The following RBFOX1 variants were observed in gnomAD, a reference collection of about 807,000 sequenced individuals.
RBFOX1 encodes the protein RNA binding protein fox-1 homolog 1.
In RBFOX1, 8 loss-of-function variants were observed where a neutral mutation model predicts 57.7. That is an observed-to-expected ratio of 0.14 (90% CI 0.08 to 0.25). The LOEUF (loss-of-function observed/expected upper bound fraction) is 0.25, where lower values mean the gene tolerates loss of function less well. Among genes scored for constraint, RBFOX1 ranks in the 10% least tolerant of loss-of-function variants. RBFOX1 has a pLI of 1.00. For missense variants in RBFOX1, 611 were observed against 548.5 expected (o/e 1.11, Z -1.14); for synonymous variants, 326 against 222.4 (o/e 1.47, Z -4.15).
At chr16:5,247,125 C>T (rs1294015536) in intron 1 of RBFOX1, among the ~76,000 whole-genome samples, 1 of 152,142 alleles carries the variant, frequency 6.6e-6, no homozygotes, top group Admixed American at 6.5e-5. Context: ...AATAGTATTC[C>T]ATTGTGTACA....
At chr16:7,586,801 C>T (rs575126521) in intron 6 of RBFOX1, among the ~76,000 whole-genome samples, 1 of 152,274 alleles carries the variant, frequency 6.6e-6, no homozygotes, top group Admixed American at 6.5e-5. Context: ...AGAGCTGCTC[C>T]TAGATTTTAT....
At chr16:7,407,073 T>G (rs2098355819) in intron 4 of RBFOX1, among the ~76,000 whole-genome samples, 1 of 152,158 alleles carries the variant, frequency 6.6e-6, no homozygotes, top group Non-Finnish European at 1.5e-5. Context: ...TAATGTTTTT[T>G]ATTTTCATAG....
intron 4 of RBFOX1, among the ~76,000 whole-genome samples, chr16:7,341,796 T>TTCCG: frequency 1.2e-5 from 1 of 83,610 alleles, no homozygotes; most frequent in East Asian, 3.1e-4. Flanking sequence ...CCTTCCTTCC[T>TTCCG]TCCTTCCTTC....
At chr16:5,955,121 A>C (rs1424877183) in intron 4 of RBFOX1, among the ~76,000 whole-genome samples, 1 of 97,918 alleles carries the variant, frequency 1.0e-5, no homozygotes, top group African/African-American at 4.8e-5. Flanking sequence ...TCTCTACTAA[A>C]AAAAAAAAAA....
intron 4 of RBFOX1, among the ~76,000 whole-genome samples, chr16:5,907,427 T>G (rs1348531332): frequency 1.3e-5 from 2 of 152,138 alleles, no homozygotes; most frequent in African/African-American, 4.8e-5. Flanking sequence ...CAGAGCACGT[T>G]GCACCTTTGT....
At chr16:7,682,581 C>T (rs1305022470) in intron 14 of RBFOX1, among the ~76,000 whole-genome samples, 3 of 150,180 alleles carry the variant, frequency 2.0e-5, no homozygotes, top group Non-Finnish European at 4.4e-5. Flanking sequence ...TTTACTCAAC[C>T]TGATGAACTC....
intron 1 of RBFOX1, among the ~76,000 whole-genome samples, chr16:6,227,177 G>T (rs542497261): frequency 1.2e-4 from 19 of 152,058 alleles, no homozygotes; most frequent in African/African-American, 4.6e-4. Context: ...TTTTGTTGCA[G>T]ACACTATTAG....
chr16:7,010,189 C>T (rs969648060), intron 3 of RBFOX1, among the ~76,000 whole-genome samples: 3 of 152,222 alleles, frequency 2.0e-5, no homozygotes, highest in African/African-American at 7.2e-5. Context: ...ATGAGGGTCC[C>T]TTATACATAT....
intron 2 of RBFOX1, among the ~76,000 whole-genome samples, chr16:6,504,643 A>G (rs1435074243): frequency 6.6e-6 from 1 of 152,182 alleles, no homozygotes; most frequent in African/African-American, 2.4e-5. Flanking sequence ...GGTAGTAGGT[A>G]TGACCTGTCC....
At chr16:5,645,541 C>A (rs1490379428) in intron 3 of RBFOX1, among the ~76,000 whole-genome samples, 2 of 152,266 alleles carry the variant, frequency 1.3e-5, no homozygotes, top group African/African-American at 4.8e-5. Context: ...GCTTAATTTT[C>A]TATTTATGTA....
At chr16:6,917,752 A>G (rs939222173) in intron 3 of RBFOX1, among the ~76,000 whole-genome samples, 1 of 152,128 alleles carries the variant, frequency 6.6e-6, no homozygotes, top group Non-Finnish European at 1.5e-5. Flanking sequence ...GACATATTTC[A>G]TATCCTCAGG....
intron 3 of RBFOX1, among the ~76,000 whole-genome samples, chr16:6,665,473 AT>A (rs1450457838): frequency 2.6e-5 from 4 of 152,134 alleles, no homozygotes; most frequent in East Asian, 1.9e-4. Context: ...ATATAAAAAA[AT>A]ATTAGCCAGG....
intron 4 of RBFOX1, among the ~76,000 whole-genome samples, chr16:7,209,334 T>A (rs1334488356): frequency 1.3e-5 from 2 of 152,074 alleles, no homozygotes; most frequent in Non-Finnish European, 1.5e-5. Context: ...AAACTCTGTT[T>A]CAAATAAATA....
chr16:6,870,085 T>C (rs956904781), intron 3 of RBFOX1, among the ~76,000 whole-genome samples: 3 of 152,110 alleles, frequency 2.0e-5, no homozygotes, highest in African/African-American at 7.2e-5. Context: ...TACTAATCCT[T>C]CTTTTTGGAT....
At chr16:7,445,617 A>T (rs753288595) in intron 4 of RBFOX1, among the ~76,000 whole-genome samples, 4 of 152,214 alleles carry the variant, frequency 2.6e-5, no homozygotes, top group Non-Finnish European at 4.4e-5. Flanking sequence ...CCCTGCACAG[A>T]ATCCAGAGAA....
intron 4 of RBFOX1, among the ~76,000 whole-genome samples, chr16:7,364,572 GACCAAAAAAAAAAAAA>G (rs1456027994): frequency 2.2e-5 from 2 of 91,472 alleles, no homozygotes; most frequent in Non-Finnish European, 4.3e-5. Flanking sequence ...ATATCAAGAA[GACCAAAAAAAAAAAAA>G]ACAAAAAAAA....
chr16:7,589,707 G>C (rs939087417), intron 7 of RBFOX1, among the ~76,000 whole-genome samples: 2 of 152,032 alleles, frequency 1.3e-5, no homozygotes, highest in African/African-American at 2.4e-5. Context: ...TCCTTTATGG[G>C]AAAGGGCCTT....
At chr16:6,029,856 C>A (rs1482261981) in intron 1 of RBFOX1, among the ~76,000 whole-genome samples, 4 of 150,914 alleles carry the variant, frequency 2.7e-5, no homozygotes, top group Non-Finnish European at 5.9e-5. Context: ...CTGGTAAGAA[C>A]CCAGCAGGAC....
chr16:7,185,658 C>A (rs184786272), intron 4 of RBFOX1, among the ~76,000 whole-genome samples: 2 of 152,160 alleles, frequency 1.3e-5, no homozygotes, highest in Non-Finnish European at 2.9e-5. Flanking sequence ...ATTTAGTTTG[C>A]GGAGATAGGC....
Sources: gnomAD v4.1 joint callset for allele counts (sites outside exome capture counted in the v4.1 genomes callset) on GRCh38, gnomAD v4.1.1 for gene constraint, MANE v1.5 for transcripts, NCBI Gene and HGNC (gene_info 2026-07-23, HGNC 2026-07-21) for gene names.